Variants in LSAMP observed in about 807,000 individuals in gnomAD.
LSAMP encodes the protein limbic system-associated membrane protein.
LSAMP carries 7 observed loss-of-function variants against 38.6 expected under a neutral mutation model. The ratio of observed to expected loss-of-function variants is 0.18; its 90% CI spans 0.10 to 0.34. The LOEUF (loss-of-function observed/expected upper bound fraction) is 0.34, where lower values mean the gene tolerates loss of function less well. LSAMP is among the 10% of genes least tolerant of loss of function. The pLI, the probability that LSAMP is intolerant of heterozygous loss-of-function variation, is 1.00. For synonymous variants in LSAMP, 154 were observed against 166.8 expected, an observed-to-expected ratio of 0.92 and a Z score of 0.59; for missense variants, 313 against 420.0, an observed-to-expected ratio of 0.75 and a Z score of 2.23.
At chr3:115,967,451 C>T (rs1938855106) in intron 3 of LSAMP, among the ~76,000 whole-genome samples, 1 of 152,090 alleles carries the variant, frequency 6.6e-6, no homozygotes, top group African/African-American at 2.4e-5. Flanking sequence ...CTACATTTTC[C>T]TTTCTTTTTC....
At chr3:115,851,473 A>C (rs1357237040) in intron 4 of LSAMP, among the ~76,000 whole-genome samples, 1 of 152,146 alleles carries the variant, frequency 6.6e-6, no homozygotes. Flanking sequence ...AAATGATCTC[A>C]ATTATATCTA....
intron 3 of LSAMP, among the ~76,000 whole-genome samples, chr3:116,006,207 A>C (rs959550109): frequency 6.6e-6 from 1 of 152,154 alleles, no homozygotes; most frequent in Non-Finnish European, 1.5e-5. Context: ...GGCTGAGGCT[A>C]TTATGGTGGG....
intron 1 of LSAMP, among the ~76,000 whole-genome samples, chr3:116,171,995 C>T (rs1336024273): frequency 6.6e-6 from 1 of 151,970 alleles, no homozygotes; most frequent in Non-Finnish European, 1.5e-5. Flanking sequence ...AATAAAATTA[C>T]TTATTTTAGT....
intron 3 of LSAMP, among the ~76,000 whole-genome samples, chr3:115,935,350 G>A (rs1937663583): frequency 1.3e-5 from 2 of 152,140 alleles, no homozygotes; most frequent in African/African-American, 2.4e-5. Context: ...AAAGAGGTGT[G>A]GCCGGGTGGG....
chr3:115,996,263 T>A (rs1202097505), intron 3 of LSAMP, among the ~76,000 whole-genome samples: 1 of 152,090 alleles, frequency 6.6e-6, no homozygotes, highest in Non-Finnish European at 1.5e-5. Context: ...GTAATAATAA[T>A]AACTACACAT....
intron 1 of LSAMP, among the ~76,000 whole-genome samples, chr3:116,174,166 T>G (rs1204878748): frequency 3.3e-5 from 5 of 152,010 alleles, no homozygotes; most frequent in African/African-American, 1.2e-4. Flanking sequence ...CAGTATGAGC[T>G]GCCACTGCAA....
At chr3:116,229,677 A>G (rs1051126942) in intron 1 of LSAMP, among the ~76,000 whole-genome samples, 3 of 152,158 alleles carry the variant, frequency 2.0e-5, no homozygotes, top group Non-Finnish European at 4.4e-5. Context: ...TACCATTTGT[A>G]TTTGTATTTC....
chr3:116,006,772 T>A (rs1379573727), intron 3 of LSAMP, among the ~76,000 whole-genome samples: 1 of 152,212 alleles, frequency 6.6e-6, no homozygotes, highest in African/African-American at 2.4e-5. Flanking sequence ...TCAGAATGAC[T>A]TTTGTTCCGA....
At chr3:115,880,910 C>T (rs1936304505) in intron 3 of LSAMP, among the ~76,000 whole-genome samples, 1 of 151,748 alleles carries the variant, frequency 6.6e-6, no homozygotes, top group Non-Finnish European at 1.5e-5. Flanking sequence ...TGGTAGCGGG[C>T]ACCTGTAATC....
chr3:116,151,353 C>T (rs937925816), intron 1 of LSAMP, among the ~76,000 whole-genome samples: 2 of 151,708 alleles, frequency 1.3e-5, no homozygotes, highest in East Asian at 1.9e-4. Context: ...ACATGTGAGC[C>T]GAACTTTTAA....
chr3:115,937,044 T>C (rs887553407), intron 3 of LSAMP, among the ~76,000 whole-genome samples: 8 of 152,220 alleles, frequency 5.3e-5, no homozygotes, highest in African/African-American at 1.9e-4. Context: ...ACCATTAAAA[T>C]TGTAGTATTC....
At chr3:116,183,884 A>C (rs1710547744) in intron 1 of LSAMP, among the ~76,000 whole-genome samples, 1 of 151,890 alleles carries the variant, frequency 6.6e-6, no homozygotes, top group Admixed American at 6.6e-5. Flanking sequence ...AAAATAGGCA[A>C]ATGAGCAGAG....
rs1707991448 is a variant in LSAMP at position 116,086,459 on chromosome 3, C to T, written c.253G>A (p.Glu85Lys). 6.2e-7 allele frequency: 1 copy of T among 1,613,994 alleles called. No homozygotes were observed. The highest frequency in any genetic ancestry group is 1.7e-5 in the Admixed American group (1 of 60,004). ...TCCAGAGAATGGCGTTTCTCCAGCT[C>T]AACCCGTGGGTCCAGAGACCACTTG... ...HDKWSLDPRVELEKRHSLEYS... is the reference protein window; with the variant it reads ...HDKWSLDPRVKLEKRHSLEYS... Residue 85 changes from glutamate (E) to lysine (K), a missense_variant, in exon 2 of 7, where the codon GAG becomes AAG. Coordinates refer to ENST00000490035, the MANE Select transcript of LSAMP (RefSeq NM_002338.5).
At chr3:116,102,557 T>C (rs368584341) in intron 1 of LSAMP, among the ~76,000 whole-genome samples, 19 of 152,322 alleles carry the variant, frequency 1.2e-4, no homozygotes, top group Middle Eastern at 3.4e-3. Context: ...ACCTAATCCA[T>C]TGAAGGCCTG....
At chr3:116,389,405 G>C (rs2048665263) in intron 1 of LSAMP, among the ~76,000 whole-genome samples, 1 of 152,218 alleles carries the variant, frequency 6.6e-6, no homozygotes, top group South Asian at 2.1e-4. Context: ...CAGTGATGCT[G>C]GATAAATTTG....
chr3:115,971,573 A>G (rs2107611909), intron 3 of LSAMP, among the ~76,000 whole-genome samples: 1 of 152,288 alleles, frequency 6.6e-6, no homozygotes, highest in East Asian at 1.9e-4. Context: ...TTGCTGCTGA[A>G]CATTAGTAAC....
chr3:116,146,217 G>T (rs149128641), intron 1 of LSAMP, among the ~76,000 whole-genome samples: 3 of 151,966 alleles, frequency 2.0e-5, no homozygotes, highest in African/African-American at 7.2e-5. Flanking sequence ...TATAAAGCCT[G>T]ACTCCACCCA....
At chr3:116,066,907 A>AC (rs1559729389) in intron 2 of LSAMP, among the ~76,000 whole-genome samples, 1 of 150,020 alleles carries the variant, frequency 6.7e-6, no homozygotes, top group Non-Finnish European at 1.5e-5. Context: ...GCCTGCCCCC[A>AC]TTTTTTTTTG....
chr3:116,222,711 C>T (rs1428427159), intron 1 of LSAMP, among the ~76,000 whole-genome samples: 1 of 122,170 alleles, frequency 8.2e-6, no homozygotes, highest in Non-Finnish European at 1.7e-5. Context: ...GCTCACCTTT[C>T]ATCCTCTCCT....
Sources: allele counts gnomAD v4.1 joint callset (sites outside exome capture counted in the v4.1 genomes callset), GRCh38; gene constraint gnomAD v4.1.1; transcripts MANE v1.5; gene names NCBI Gene and HGNC (gene_info 2026-07-23, HGNC 2026-07-21).